Variants in RORC observed in about 807,000 individuals in gnomAD.
RORC encodes the protein nuclear receptor ROR-gamma.
RORC carries 13 observed loss-of-function variants against 64.5 expected under a neutral mutation model. The observed-to-expected ratio is 0.20, with a 90% confidence interval of 0.13 to 0.32. The LOEUF is 0.32. Among genes scored for constraint, RORC ranks in the 10% least tolerant of loss-of-function variants. The pLI is 1.00. For missense variants in RORC, 468 were observed against 669.5 expected (o/e 0.70, Z 3.32); for synonymous variants, 277 against 259.3 (o/e 1.07, Z -0.65).
intron 8 of RORC, 62 bp downstream of exon 8, chr1:151,813,177 T>C (rs987363361): frequency 6.5e-7 from 1 of 1,537,154 alleles, no homozygotes; most frequent in African/African-American, 1.4e-5. Context: ...GTGCCCTGGG[T>C]CACAAAGCTT....
intron 2 of RORC, among the ~76,000 whole-genome samples, chr1:151,820,242 G>A (rs1256631171): frequency 1.3e-5 from 2 of 152,120 alleles, no homozygotes; most frequent in African/African-American, 4.8e-5. Flanking sequence ...GTAGAGAAGG[G>A]GTGGGGGAGA....
At position 151,807,698 on chromosome 1, in the gene RORC, G is replaced by A. The variant is rs1350849860; in HGVS notation, c.1396-65C>T. 1.7e-5 allele frequency: 26 copies of A among 1,553,570 alleles called. No homozygotes were observed. Among genetic ancestry groups the A allele is most frequent in the East Asian group, 9.0e-5 (4 of 44,376 alleles). ...AGCTCTCCTCAGAGCAAAGAAGTCC[G>A]CTCATTCTTCCTGGGCTAGGACAAA... On this transcript the variant is annotated intron_variant, in intron 10 of 10. Transcript: ENST00000318247. The surrounding 1 kb of genome is among the most constrained non-coding windows in gnomAD (Gnocchi z 5.0).
At chr1:151,827,432 C>G (rs1652234497) in intron 2 of RORC, among the ~76,000 whole-genome samples, 1 of 151,952 alleles carries the variant, frequency 6.6e-6, no homozygotes, top group Non-Finnish European at 1.5e-5. Context: ...CCTTCTCAGC[C>G]TCTTAGGTGC....
At position 151,816,709 on chromosome 1, in the gene RORC, G is replaced by A. The variant is rs142141845; in HGVS notation, c.253C>T (p.His85Tyr). The change falls in exon 4 of 11, where the codon CAC becomes TAC. Residue 85 changes from histidine (H) to tyrosine (Y), a missense_variant. Physicochemically the swap from His to Tyr is moderately conservative, Grantham distance 83. Around this residue, in one of 5 missense-constraint regions of RORC, gnomAD observed 241 missense variants for 295.5 expected, o/e 0.82. Transcript: ENST00000318247. ...IDRTSRNRCQ[H>Y]CRLQKCLALG... ...GCCAGGCATTTCTGCAGGCGGCAGT[G>A]CTGGCATCGGTTTCGGCTGGTGCGG... 455 of 1,606,054 alleles carry A rather than the reference G, an allele frequency of 2.8e-4. 1 individual carries two copies. The Middle Eastern group carries it at 6.2e-3, about 22-fold the overall frequency.
intron 2 of RORC, among the ~76,000 whole-genome samples, chr1:151,824,671 A>G (rs761644651): frequency 6.6e-6 from 1 of 152,132 alleles, no homozygotes; most frequent in Non-Finnish European, 1.5e-5. Context: ...CTGAGTCTCC[A>G]TCATCACCCT....
rs1651718528 is a variant in RORC, at chr1:151,815,354, G to C, written c.370C>G (p.Gln124Glu). The C allele has an allele frequency of 6.3e-7, 1 of 1,582,534 alleles. No individual in the cohort carries two copies. The highest frequency in any genetic ancestry group is 1.8e-5 in the Admixed American group (1 of 54,084). The change falls in exon 5 of 11, where the codon CAG becomes GAG. Residue 124 changes from glutamine to glutamate, a missense_variant. Gln to Glu is a conservative substitution (Grantham distance 29). Around this residue, in one of 5 missense-constraint regions of RORC, gnomAD observed 241 missense variants for 295.5 expected, o/e 0.82. Coordinates refer to ENST00000318247, the MANE Select transcript of RORC (RefSeq NM_005060.4). ...GGTTCCTGTTGCTGCTGTTGCCGCT[G>C]CTGCAGCTGTTTCTGCACTTCTGCA... Reference protein sequence around the residue: ...LHAEVQKQLQQRQQQQQEPVV... With the variant: ...LHAEVQKQLQERQQQQQEPVV...
intron 2 of RORC, among the ~76,000 whole-genome samples, chr1:151,828,923 G>T (rs992563705): frequency 6.6e-6 from 1 of 150,980 alleles, no homozygotes; most frequent in African/African-American, 2.4e-5. Context: ...AGGTTGCAGT[G>T]AGCCGAGATT....
chr1:151,819,914 C>A (rs1428806651), intron 2 of RORC, among the ~76,000 whole-genome samples: 1 of 152,194 alleles, frequency 6.6e-6, no homozygotes, highest in Non-Finnish European at 1.5e-5. Context: ...CCCAGTGAGA[C>A]AGACACACAA....
At position 151,812,659 on chromosome 1, in the gene RORC, T is replaced by C. The variant is rs75936264; in HGVS notation, c.1285+288A>G. On this transcript the variant is annotated intron_variant, in intron 9 of 10. Transcript: ENST00000318247. The stretch of plus-strand genomic sequence containing the variant: ...GTGTGCTACAATGAAATCACTGCCA[T>C]AGACTAACAATCAGACACATTTCTG... 6.5e-5 allele frequency: 21 copies of C among 323,736 alleles called. No individual in the cohort carries two copies. In the East Asian group the frequency reaches 1.4e-3, roughly 22 times the overall value. The allele number at this position is 323,736 out of a possible 1,614,324, so 20.1% of individuals were successfully genotyped here.
intron 10 of RORC, among the ~76,000 whole-genome samples, chr1:151,808,598 A>G (rs1171990764): frequency 6.6e-6 from 1 of 152,310 alleles, no homozygotes; most frequent in East Asian, 1.9e-4. Flanking sequence ...GGGCTATGGC[A>G]ATAGCTTCCT....
At chr1:151,812,892 A>AG (rs1651594779) in intron 9 of RORC, 55 bp downstream of exon 9, 1 of 1,159,852 alleles carries the variant, frequency 8.6e-7, no homozygotes, top group East Asian at 2.3e-5. Flanking sequence ...CTTCTTCAAT[A>AG]TCTGCCATGC....
At position 151,830,332 on chromosome 1, in the gene RORC, G is replaced by A. The variant is rs1456591273; in HGVS notation, c.41-874C>T. ...ACTCGGACCTCCAGGGGGAGCAGCC[G>A]TTGAGGGGAGGGCCTTAGCTGGAGC... On this transcript the variant is annotated intron_variant, in intron 1 of 10. Transcript: ENST00000318247. The surrounding 1 kb of genome is among the most constrained non-coding windows in gnomAD (Gnocchi z 4.0). 2.0e-5 allele frequency among the ~76,000 whole-genome samples: 3 copies of A among 151,856 alleles called. No individual in the cohort carries two copies. The highest frequency in any genetic ancestry group is 2.9e-5 in the Non-Finnish European group (2 of 67,960).
At chr1:151,809,875 T>C (rs1355779356) in intron 10 of RORC, among the ~76,000 whole-genome samples, 2 of 152,190 alleles carry the variant, frequency 1.3e-5, no homozygotes, top group Non-Finnish European at 1.5e-5. Flanking sequence ...ACAGCTCTGA[T>C]TGTGTCATTT....
At chr1:151,827,448 G>C (rs1652234953) in intron 2 of RORC, among the ~76,000 whole-genome samples, 1 of 152,104 alleles carries the variant, frequency 6.6e-6, no homozygotes, top group Non-Finnish European at 1.5e-5. Context: ...GGTGCTTTGT[G>C]GGGTACATTG....
intron 2 of RORC, 93 bp from the exon 3 acceptor site, chr1:151,817,373 T>G (rs1287518804): frequency 3.0e-5 from 25 of 825,806 alleles, no homozygotes; most frequent in Non-Finnish European, 4.8e-5. Context: ...ACCTGGTGCT[T>G]CCACTACTTC....
At chr1:151,820,344 C>T (rs1010930250) in intron 2 of RORC, among the ~76,000 whole-genome samples, 1 of 152,126 alleles carries the variant, frequency 6.6e-6, no homozygotes, top group Non-Finnish European at 1.5e-5. Flanking sequence ...CCCTGGGAGA[C>T]ACGTCCCTGA....
chr1:151,827,955 C>T (rs960686189), intron 2 of RORC, among the ~76,000 whole-genome samples: 2 of 151,984 alleles, frequency 1.3e-5, no homozygotes, highest in African/African-American at 4.8e-5. Flanking sequence ...GTCCGTGACC[C>T]CCCTCCCCCA....
chr1:151,815,469 A>G (rs371208286), intron 4 of RORC, 44 bp from the exon 5 acceptor site: 21 of 1,510,978 alleles, frequency 1.4e-5, no homozygotes, highest in Non-Finnish European at 4.4e-6. Context: ...GCAGGAGAAC[A>G]TGGCACAGGG....
At chr1:151,824,916 C>T (rs1007228427) in intron 2 of RORC, among the ~76,000 whole-genome samples, 13 of 152,200 alleles carry the variant, frequency 8.5e-5, no homozygotes, top group African/African-American at 2.4e-4. Flanking sequence ...GGACTCAATA[C>T]GGCCTCCCTT....
Sources: allele counts gnomAD v4.1 joint callset (sites outside exome capture counted in the v4.1 genomes callset), GRCh38; gene constraint gnomAD v4.1.1; regional missense constraint gnomAD v4.1.1; non-coding constraint Gnocchi (gnomAD v3.1); transcripts MANE v1.5; gene names NCBI Gene and HGNC (gene_info 2026-07-23, HGNC 2026-07-21).